The following DOCK3 variants were observed in gnomAD, a reference collection of about 807,000 sequenced individuals.
The protein encoded by DOCK3 is dedicator of cytokinesis 3, also known as dedicator of cytokinesis protein 3.
In DOCK3, 60 loss-of-function variants were observed where a neutral mutation model predicts 265.6. That is an observed-to-expected ratio of 0.23 (90% CI 0.18 to 0.28). DOCK3 has a LOEUF of 0.28. Among genes scored for constraint, DOCK3 ranks in the 10% least tolerant of loss-of-function variants. The pLI is 1.00. For missense variants in DOCK3, 1,981 were observed against 2,594.3 expected (o/e 0.76, Z 5.14); for synonymous variants, 881 against 938.0 (o/e 0.94, Z 1.11).
intron 12 of DOCK3, among the ~76,000 whole-genome samples, chr3:51,193,723 C>T (rs2088090624): frequency 6.7e-6 from 1 of 149,756 alleles, no homozygotes; most frequent in Non-Finnish European, 1.5e-5. Context: ...ATAATAGTCT[C>T]TAATGATTCT....
At chr3:51,263,294 C>G (rs988318088) in intron 23 of DOCK3, among the ~76,000 whole-genome samples, 2 of 151,994 alleles carry the variant, frequency 1.3e-5, no homozygotes, top group Non-Finnish European at 1.5e-5. Context: ...GAATTTTCAA[C>G]CCAGAATTTC....
At chr3:51,352,794 G>A (rs1553867438) in intron 40 of DOCK3, among the ~76,000 whole-genome samples, 1 of 152,194 alleles carries the variant, frequency 6.6e-6, no homozygotes, top group Non-Finnish European at 1.5e-5. Context: ...AGCAGTGGGG[G>A]CCAGATCTGT....
At chr3:51,269,151 T>A (rs979232230) in intron 23 of DOCK3, among the ~76,000 whole-genome samples, 4 of 146,522 alleles carry the variant, frequency 2.7e-5, no homozygotes, top group East Asian at 2.0e-4. Flanking sequence ...ATATATATAT[T>A]TATTTATACG....
At chr3:50,863,338 G>A in intron 3 of DOCK3, 1 of 500,602 alleles carries the variant, frequency 2.0e-6, no homozygotes, top group Admixed American at 2.0e-5. Context: ...AATGCAGATA[G>A]CCTGTGTGAG....
At chr3:50,745,550 A>G (rs1321590467) in intron 1 of DOCK3, among the ~76,000 whole-genome samples, 1 of 152,184 alleles carries the variant, frequency 6.6e-6, no homozygotes, top group Non-Finnish European at 1.5e-5. Flanking sequence ...CGTAAATGGA[A>G]AGTGATCAAA....
chr3:51,025,342 A>G (rs1318100480), intron 5 of DOCK3, among the ~76,000 whole-genome samples: 1 of 152,102 alleles, frequency 6.6e-6, no homozygotes, highest in Non-Finnish European at 1.5e-5. Context: ...AGTTTACAAA[A>G]GGAGTGGGGA....
intron 5 of DOCK3, among the ~76,000 whole-genome samples, chr3:50,988,637 T>C (rs1232671688): frequency 6.6e-6 from 1 of 152,202 alleles, no homozygotes; most frequent in African/African-American, 2.4e-5. Context: ...GCCTTCAGGC[T>C]GGCAACTGGC....
At chr3:50,962,506 T>C (rs747096090) in intron 5 of DOCK3, among the ~76,000 whole-genome samples, 8 of 152,338 alleles carry the variant, frequency 5.3e-5, no homozygotes, top group Non-Finnish European at 1.2e-4. Context: ...AACACAGTTA[T>C]ATTCCTAGGT....
At chr3:51,057,208 C>A (rs1247264957) in intron 5 of DOCK3, among the ~76,000 whole-genome samples, 1 of 152,084 alleles carries the variant, frequency 6.6e-6, no homozygotes, top group Non-Finnish European at 1.5e-5. Flanking sequence ...TTCTGCAGAG[C>A]TCCAGGGATT....
intron 1 of DOCK3, among the ~76,000 whole-genome samples, chr3:50,742,612 TGAATG>T (rs1275548679): frequency 1.3e-5 from 2 of 151,974 alleles, no homozygotes; most frequent in East Asian, 1.9e-4. Flanking sequence ...GAAGATGAAA[TGAATG>T]AAATGAAGCG....
chr3:51,351,791 G>A lies in DOCK3; in HGVS notation c.4107+1399G>A, dbSNP rs1466912390. On this transcript the variant is annotated intron_variant, in intron 40 of 52. Transcript: ENST00000266037. ...TCTACCTCAGCCTCCCGAGTGGCTGGGATTACAGGCATGCGCCACCATGCC... is the reference window on the plus strand; with the variant it reads ...TCTACCTCAGCCTCCCGAGTGGCTGAGATTACAGGCATGCGCCACCATGCC... 2.0e-5 allele frequency among the ~76,000 whole-genome samples: 3 copies of A among 151,978 alleles called. No homozygotes were observed. The East Asian group carries it at 5.8e-4, about 29-fold the overall frequency.
intron 5 of DOCK3, among the ~76,000 whole-genome samples, chr3:50,944,544 C>T (rs1229629217): frequency 1.3e-5 from 2 of 152,068 alleles, no homozygotes; most frequent in Non-Finnish European, 2.9e-5. Flanking sequence ...TAATTAAGGC[C>T]AAGTACTAAT....
Position 51,277,595 on chromosome 3 carries a change from C to T in DOCK3, c.2677-13C>T. The T allele has an allele frequency of 2.0e-6, 3 of 1,523,810 alleles. No individual in the cohort carries two copies. Among genetic ancestry groups the T allele is most frequent in the Non-Finnish European group, 2.6e-6 (3 of 1,135,914 alleles). The allele number at this position is 1,523,810 out of a possible 1,614,324, so 94.4% of individuals were successfully genotyped here. A position where few individuals can be genotyped will look rare whatever the true frequency, so the allele number is the denominator to read the frequency against. On this transcript the variant is annotated splice_polypyrimidine_tract_variant and intron_variant, in intron 25 of 52. Transcript: ENST00000266037. ...TTGCTGCTAATGGTGTGCTCTCTTGCTGCTCGCTCCAGGAGGCAGATGTCA... is the reference window on the plus strand; with the variant it reads ...TTGCTGCTAATGGTGTGCTCTCTTGTTGCTCGCTCCAGGAGGCAGATGTCA...
At chr3:51,067,461 G>A (rs1043044900) in intron 6 of DOCK3, among the ~76,000 whole-genome samples, 3 of 151,922 alleles carry the variant, frequency 2.0e-5, no homozygotes, top group East Asian at 1.9e-4. Context: ...GTGTGTGCGC[G>A]CGCGTTGGAG....
At chr3:51,171,698 A>G (rs561385249) in intron 12 of DOCK3, among the ~76,000 whole-genome samples, 29 of 150,848 alleles carry the variant, frequency 1.9e-4, no homozygotes, top group African/African-American at 6.3e-4. Context: ...CCTGGGCGAC[A>G]GAGCGAGACT....
intron 3 of DOCK3, among the ~76,000 whole-genome samples, chr3:50,878,705 C>T (rs900759116): frequency 1.3e-5 from 2 of 152,164 alleles, no homozygotes. Flanking sequence ...AAACACTCTG[C>T]AGGATATTAA....
chr3:50,953,406 A>G (rs1402801042), intron 5 of DOCK3, among the ~76,000 whole-genome samples: 5 of 152,112 alleles, frequency 3.3e-5, no homozygotes, highest in Admixed American at 1.3e-4. Flanking sequence ...CTGGCTTCCA[A>G]GAGAACCATA....
intron 5 of DOCK3, among the ~76,000 whole-genome samples, chr3:51,042,051 A>G (rs1441767077): frequency 1.3e-5 from 2 of 152,224 alleles, no homozygotes; most frequent in African/African-American, 4.8e-5. Context: ...CAAAAAATTG[A>G]AAAGGAAGGA....
At chr3:51,350,012 T>G (rs1455486283) in intron 39 of DOCK3, among the ~76,000 whole-genome samples, 1 of 152,064 alleles carries the variant, frequency 6.6e-6, no homozygotes, top group Non-Finnish European at 1.5e-5. Flanking sequence ...TAGGGCTGAG[T>G]CCATTCCCTA....
Sources: gnomAD v4.1 joint callset for allele counts (sites outside exome capture counted in the v4.1 genomes callset) on GRCh38, gnomAD v4.1.1 for gene constraint, MANE v1.5 for transcripts, NCBI Gene and HGNC (gene_info 2026-07-23, HGNC 2026-07-21) for gene names.